Variants in SCO2 observed in about 807,000 individuals in gnomAD.
SCO2 encodes the protein synthesis of cytochrome C oxidase 2.
For missense variants in SCO2, 429 were observed against 348.7 expected, an observed-to-expected ratio of 1.23 and a Z score of -1.83; for synonymous variants, 195 against 148.6, an observed-to-expected ratio of 1.31 and a Z score of -2.27.
At chr22:50,526,329 G>T, upstream of SCO2, 1 of 1,562,284 alleles carries the variant, frequency 6.4e-7, no homozygotes. Flanking sequence ...CGAGCACAGG[G>T]CTCGGGCCAG....
chr22:50,525,721 T>TG (rs1279354501), upstream of SCO2: 27 of 1,588,682 alleles, frequency 1.7e-5, no homozygotes, highest in Admixed American at 1.6e-4. Context: ...CAGCCCTGGA[T>TG]CCTTCCGCTC....
At chr22:50,524,703 A>C in intron 1 of SCO2, 1 of 640,268 alleles carries the variant, frequency 1.6e-6, no homozygotes, top group Non-Finnish European at 3.0e-6. Context: ...CCTCTTGCTG[A>C]CGGAAAGCAT....
At chr22:50,526,061 G>A, upstream of SCO2, 1 of 1,482,460 alleles carries the variant, frequency 6.7e-7, no homozygotes, top group South Asian at 1.3e-5. Flanking sequence ...AGGCGGAGCG[G>A]CTCCCCAGCG....
upstream of SCO2, chr22:50,526,070 C>G: frequency 6.7e-7 from 1 of 1,483,920 alleles, no homozygotes; most frequent in Non-Finnish European, 8.9e-7. Context: ...GGCTCCCCAG[C>G]GCGGCTGCGC....
Position 50,525,584 on chromosome 22 carries a change from C to G in SCO2, c.-126G>C, listed in dbSNP as rs995836620. The stretch of plus-strand genomic sequence containing the variant: ...AAAGCGGGCGCCACACGCTCACAGG[C>G]AGGGCGCAGGCGTCCCCGGAGCTGC... On this transcript the variant is annotated 5_prime_UTR_variant, in exon 1 of 2. Coordinates refer to ENST00000395693, the MANE Select transcript of SCO2 (RefSeq NM_005138.3). 3.4e-6 allele frequency: 3 copies of G among 875,566 alleles called. No homozygotes were observed. The highest frequency in any genetic ancestry group is 2.3e-5 in the Admixed American group (1 of 44,118). 54.2% of individuals were successfully genotyped at this position (875,566 alleles called of 1,614,324 possible). A position where few individuals can be genotyped will look rare whatever the true frequency, so the allele number is the denominator to read the frequency against.
intron 1 of SCO2, among the ~76,000 whole-genome samples, chr22:50,524,964 G>A (rs1603441728): frequency 1.3e-5 from 2 of 151,848 alleles, no homozygotes; most frequent in Middle Eastern, 6.9e-3. Context: ...TGGCAGAGAC[G>A]CACGACACTT....
upstream of SCO2, chr22:50,526,279 G>A (rs1244687285): frequency 1.3e-6 from 2 of 1,544,782 alleles, no homozygotes; most frequent in Admixed American, 1.9e-5. Context: ...TCCTGCTCCC[G>A]GGCGCGAGGC....
chr22:50,525,987 G>A, upstream of SCO2: 2 of 1,402,704 alleles, frequency 1.4e-6, no homozygotes, highest in Admixed American at 6.5e-5. Flanking sequence ...CAGCAGGGCG[G>A]GGGCGGCGCT....
chr22:50,525,930 G>C (rs2069339638), upstream of SCO2: 2 of 1,474,290 alleles, frequency 1.4e-6, no homozygotes, highest in Non-Finnish European at 8.9e-7. Context: ...TGCAGAGCGA[G>C]GGGCTGTTAG....
chr22:50,525,518 C>G lies in SCO2; in HGVS notation c.-60G>C. The stretch of plus-strand genomic sequence containing the variant: ...AGTGGACCAAGCACGAGAGGAAGCG[C>G]CGACCTCCAGCTCCCTGCGCTCTGC... On this transcript the variant is annotated 5_prime_UTR_variant, in exon 1 of 2. Transcript: ENST00000395693. 1 of 569,158 alleles carries G rather than the reference C, an allele frequency of 1.8e-6. No individual in the cohort carries two copies. Among genetic ancestry groups the G allele is most frequent in the Non-Finnish European group, 3.0e-6 (1 of 328,430 alleles). 35.3% of individuals were successfully genotyped at this position (569,158 alleles called of 1,614,324 possible). A position where few individuals can be genotyped will look rare whatever the true frequency, so the allele number is the denominator to read the frequency against.
Position 50,523,577 on chromosome 22 carries a change from GC to G in SCO2, c.*33del. 1 of 1,606,174 alleles carries G rather than the reference GC, an allele frequency of 6.2e-7. No homozygotes were observed. The highest frequency in any genetic ancestry group is 8.5e-7 in the Non-Finnish European group (1 of 1,175,096). On this transcript the variant is annotated 3_prime_UTR_variant, in exon 2 of 2. Coordinates refer to ENST00000395693, the MANE Select transcript of SCO2 (RefSeq NM_005138.3). ...CACACACACACACAGATTAAACGCA[GC>G]CCGTTTAATGATGGGGCCCAGACTG...
At chr22:50,524,748 A>G in intron 1 of SCO2, 2 of 523,622 alleles carry the variant, frequency 3.8e-6, no homozygotes, top group South Asian at 3.2e-5. Flanking sequence ...TAACCACGTT[A>G]TCTATTTGCA....
chr22:50,525,990 G>A (rs1431803076), upstream of SCO2: 1 of 1,408,886 alleles, frequency 7.1e-7, no homozygotes, highest in Middle Eastern at 2.5e-4. Flanking sequence ...CAGGGCGGGG[G>A]CGGCGCTCAC....
At chr22:50,524,998 T>C (rs2148674203) in intron 1 of SCO2, among the ~76,000 whole-genome samples, 1 of 152,042 alleles carries the variant, frequency 6.6e-6, no homozygotes, top group Non-Finnish European at 1.5e-5. Flanking sequence ...AACCCCACCC[T>C]CCTCACATCC....
Position 50,524,047 on chromosome 22 carries a change from T to C in SCO2, c.365A>G (p.Gln122Arg). 1 of 1,613,440 alleles carries C rather than the reference T, an allele frequency of 6.2e-7. No homozygotes were observed. The highest frequency in any genetic ancestry group is 8.5e-7 in the Non-Finnish European group (1 of 1,180,012). Residue 122 changes from glutamine to arginine, a missense_variant, in exon 2 of 2, where the codon CAG becomes CGG. Coordinates refer to ENST00000395693, the MANE Select transcript of SCO2 (RefSeq NM_005138.3). ...RARCKADFRG[Q>R]WVLMYFGFTH... ...GAAGCCAAAGTACATCAGCACCCACTGGCCCCGGAAGTCAGCCTTGCAGCG... is the reference window on the plus strand; with the variant it reads ...GAAGCCAAAGTACATCAGCACCCACCGGCCCCGGAAGTCAGCCTTGCAGCG...
chr22:50,526,209 G>A (rs1291903074), upstream of SCO2: 2 of 1,495,496 alleles, frequency 1.3e-6, no homozygotes, highest in African/African-American at 1.4e-5. Context: ...GAAGGGGATG[G>A]CGGAGGCGGA....
At chr22:50,526,431 T>C (rs1298807229), upstream of SCO2, 1 of 1,507,320 alleles carries the variant, frequency 6.6e-7, no homozygotes, top group Non-Finnish European at 8.8e-7. Flanking sequence ...GGCAGCGCCC[T>C]GGGCCTGAGT....
Position 50,525,461 on chromosome 22 carries a change from G to A in SCO2, c.-14+11C>T, listed in dbSNP as rs1171866181. On this transcript the variant is annotated intron_variant, in intron 1 of 1. Transcript: ENST00000395693. ...GGCTACCTCCTCCCCTCCCAGCCCC[G>A]GCGTCCGCACCTCGCGGCGGGGCCG... The A allele has an allele frequency of 2.2e-6, 1 of 447,862 alleles. No homozygotes were observed. The highest frequency in any genetic ancestry group is 4.0e-6 in the Non-Finnish European group (1 of 249,206). 27.7% of individuals were successfully genotyped at this position (447,862 alleles called of 1,614,324 possible).
chr22:50,525,061 GGTGACCTTTGA>G (rs1189069656), intron 1 of SCO2, among the ~76,000 whole-genome samples: 1 of 152,208 alleles, frequency 6.6e-6, no homozygotes, highest in Non-Finnish European at 1.5e-5. Flanking sequence ...CCTTTGCGTT[GGTGACCTTTGA>G]GCCTTTCCCA....
Sources: allele counts gnomAD v4.1 joint callset (sites outside exome capture counted in the v4.1 genomes callset), GRCh38; gene constraint gnomAD v4.1.1; transcripts MANE v1.5; gene names NCBI Gene and HGNC (gene_info 2026-07-23, HGNC 2026-07-21).